Variants in RUVBL1 observed in about 807,000 individuals in gnomAD.
RUVBL1 encodes RuvB like AAA ATPase 1.
A neutral mutation model predicts 52.4 loss-of-function variants in RUVBL1; 4 were observed. The ratio of observed to expected loss-of-function variants is 0.08; its 90% CI spans 0.04 to 0.17. The LOEUF is 0.17. RUVBL1 is among the 10% of genes least tolerant of loss of function. The probability of loss-of-function intolerance (pLI) is 1.00; values close to 1 mark genes in which losing one functional copy is unlikely to be tolerated. For synonymous variants in RUVBL1, 217 were observed against 214.4 expected (o/e 1.01, Z -0.10); for missense variants, 298 against 572.8 (o/e 0.52, Z 4.90).
chr3:128,128,818 A>G (rs890302620), intron 1 of RUVBL1, among the ~76,000 whole-genome samples: 1 of 152,146 alleles, frequency 6.6e-6, no homozygotes, highest in African/African-American at 2.4e-5. Context: ...GCACTGCTGG[A>G]TTCTCCTTGT....
intron 2 of RUVBL1, among the ~76,000 whole-genome samples, chr3:128,116,528 C>CAA (rs56800760): frequency 6.4e-4 from 64 of 99,310 alleles, no homozygotes; most frequent in Middle Eastern, 6.7e-3. Context: ...GACTTCATCT[C>CAA]AAAAAAAAAA....
At chr3:128,088,279 A>C (rs1370843365) in intron 8 of RUVBL1, among the ~76,000 whole-genome samples, 2 of 151,488 alleles carry the variant, frequency 1.3e-5, no homozygotes, top group African/African-American at 4.8e-5. Context: ...AAGAAAAAAA[A>C]AAACCAACTT....
At chr3:128,100,861 G>C in intron 5 of RUVBL1, 117 bp from the exon 6 acceptor site, 1 of 1,184,058 alleles carries the variant, frequency 8.4e-7, no homozygotes, top group Non-Finnish European at 1.2e-6. Context: ...CAGCCTACTT[G>C]ACAAACTCCA....
At chr3:128,091,530 T>C (rs80136488) in intron 8 of RUVBL1, among the ~76,000 whole-genome samples, 2,057 of 152,348 alleles carry the variant, frequency 0.014, 52 homozygotes, top group African/African-American at 0.046. Flanking sequence ...GATAGACAGT[T>C]TGGAGCTATG....
chr3:128,146,701 GTC>G (rs764961082), intron 1 of RUVBL1, among the ~76,000 whole-genome samples: 2 of 147,486 alleles, frequency 1.4e-5, no homozygotes, highest in East Asian at 2.0e-4. Context: ...ATGCACATGT[GTC>G]TCTGTGCGTG....
intron 1 of RUVBL1, among the ~76,000 whole-genome samples, chr3:128,146,773 CTG>C (rs1171931989): frequency 6.6e-6 from 1 of 151,716 alleles, no homozygotes; most frequent in Non-Finnish European, 1.5e-5. Flanking sequence ...CTGTGTGTCT[CTG>C]TGCGTGTGCA....
chr3:128,102,366 C>G (rs1263088799), intron 4 of RUVBL1, among the ~76,000 whole-genome samples: 1 of 152,242 alleles, frequency 6.6e-6, no homozygotes, highest in Non-Finnish European at 1.5e-5. Context: ...AGGAAATAAG[C>G]AGATTTGCGG....
rs769214063 is a variant in RUVBL1 at position 128,081,234 on chromosome 3, G to A, written c.*16C>T. 1.9e-6 allele frequency: 3 copies of A among 1,609,850 alleles called. No homozygotes were observed. The highest frequency in any genetic ancestry group is 1.7e-4 in the Middle Eastern group (1 of 5,986). On this transcript the variant is annotated 3_prime_UTR_variant, in exon 11 of 11. Coordinates refer to ENST00000322623, the MANE Select transcript of RUVBL1 (RefSeq NM_003707.3). This position sits in a 1 kb window ranked among gnomAD's most constrained non-coding sequence, Gnocchi z 4.8. ...CACACCTGGGGAGTCTCTTACTGCT[G>A]AAAACCTCAGCCATCTCACTTCATG... is the stretch of plus-strand genomic sequence containing the variant.
intron 1 of RUVBL1, among the ~76,000 whole-genome samples, chr3:128,143,254 C>T (rs1459311140): frequency 6.6e-6 from 1 of 151,450 alleles, no homozygotes; most frequent in African/African-American, 2.4e-5. Flanking sequence ...CTCACCACAA[C>T]CTCCGCCTCC....
At chr3:128,116,783 A>G (rs1943532331) in intron 2 of RUVBL1, among the ~76,000 whole-genome samples, 1 of 152,158 alleles carries the variant, frequency 6.6e-6, no homozygotes, top group Admixed American at 6.5e-5. Context: ...TGATTTCTCT[A>G]CCACAGTGGA....
intron 7 of RUVBL1, among the ~76,000 whole-genome samples, chr3:128,098,332 C>T (rs1253311162): frequency 6.6e-6 from 1 of 152,178 alleles, no homozygotes; most frequent in Non-Finnish European, 1.5e-5. Context: ...GATTGCTGCC[C>T]TGGCTTAAAC....
chr3:128,147,476 C>T (rs965982915), intron 1 of RUVBL1, among the ~76,000 whole-genome samples: 2 of 152,108 alleles, frequency 1.3e-5, no homozygotes, highest in Admixed American at 6.5e-5. Context: ...GAGGCTGGGG[C>T]GGGAGGATGG....
chr3:128,108,493 T>C (rs750334093), intron 3 of RUVBL1, among the ~76,000 whole-genome samples: 1 of 152,136 alleles, frequency 6.6e-6, no homozygotes, highest in South Asian at 2.1e-4. Context: ...TTCACAGATT[T>C]TATCAATATC....
In RUVBL1 at chr3:128,067,127, G is replaced by C. The variant is rs138437267; in HGVS notation, c.940-1907C>G. 7 of 1,614,216 alleles carry C rather than the reference G, an allele frequency of 4.3e-6. No homozygotes were observed. Among genetic ancestry groups the C allele is most frequent in the Non-Finnish European group, 8.5e-7 (1 of 1,180,042 alleles). ...CAGCTCGCTTCAGTGGCAACTTGCT[G>C]GTCAGCCTGCTGGGCACCTGGTCGG... On this transcript the variant is annotated intron_variant, in intron 9 of 9. Coordinates refer to the RUVBL1 transcript ENST00000464873. This position sits in a 1 kb window ranked among gnomAD's most constrained non-coding sequence, Gnocchi z 4.1.
intron 6 of RUVBL1, 77 bp downstream of exon 6, chr3:128,100,518 C>G: frequency 8.0e-6 from 12 of 1,500,006 alleles, no homozygotes; most frequent in African/African-American, 1.4e-5. Context: ...CAGCAAGACT[C>G]TGACAATTCA....
upstream of RUVBL1, among the ~76,000 whole-genome samples, chr3:128,125,764 C>T (rs1027783400): frequency 2.0e-5 from 3 of 152,208 alleles, no homozygotes; most frequent in Non-Finnish European, 4.4e-5. Flanking sequence ...GCACTAGAGA[C>T]AGCACCCCAC....
intron 1 of RUVBL1, among the ~76,000 whole-genome samples, chr3:128,152,985 CCCACCCCGCCCCCCCCG>C (rs1294637580): frequency 3.8e-5 from 1 of 26,588 alleles, no homozygotes; most frequent in Admixed American, 3.7e-4. Context: ...CTTCCCCCCG[CCCACCCCGCCCCCCCCG>C]CCCCCCTTCG....
chr3:128,132,881 G>A (rs1370983723), intron 1 of RUVBL1, among the ~76,000 whole-genome samples: 2 of 152,216 alleles, frequency 1.3e-5, no homozygotes, highest in African/African-American at 4.8e-5. Flanking sequence ...AAGGGACTTT[G>A]TCTTGCAACT....
rs527957943 is a variant in RUVBL1 at position 128,069,816 on chromosome 3, C to A, written c.940-4596G>T. The A allele has an allele frequency of 1.2e-5, 9 of 727,658 alleles. 1 individual carries two copies. The South Asian group carries it at 1.9e-4, about 15-fold the overall frequency. The allele number at this position is 727,658 out of a possible 1,614,324, so 45.1% of individuals were successfully genotyped here. Reference sequence around the variant, plus strand: ...CACTGTGTAAAGTGCTAGACATTTTCCAATTTAAAATTTTGCTTTTTATCC... The same window carrying A: ...CACTGTGTAAAGTGCTAGACATTTTACAATTTAAAATTTTGCTTTTTATCC... On this transcript the variant is annotated intron_variant, in intron 9 of 9. Coordinates refer to the RUVBL1 transcript ENST00000464873.
Sources: allele counts gnomAD v4.1 joint callset (sites outside exome capture counted in the v4.1 genomes callset), GRCh38; gene constraint gnomAD v4.1.1; non-coding constraint Gnocchi (gnomAD v3.1); transcripts MANE v1.5; gene names NCBI Gene and HGNC (gene_info 2026-07-23, HGNC 2026-07-21).